Variants in CSMD1 observed in about 807,000 individuals in gnomAD.
CSMD1 encodes CUB and sushi domain-containing protein 1.
A neutral mutation model predicts 417.5 loss-of-function variants in CSMD1; 213 were observed. That is an observed-to-expected ratio of 0.51 (90% CI 0.46 to 0.57). CSMD1 has a LOEUF of 0.57. CSMD1 is among the 20% of genes least tolerant of loss of function. The probability of loss-of-function intolerance (pLI) is 0.00; values close to 1 mark genes in which losing one functional copy is unlikely to be tolerated. For missense variants in CSMD1, 6,923 were observed against 4,529.7 expected, an observed-to-expected ratio of 1.53 and a Z score of -15.17; for synonymous variants, 2,862 against 1,736.8, an observed-to-expected ratio of 1.65 and a Z score of -16.11.
At chr8:4,383,633 A>G (rs985239268) in intron 3 of CSMD1, among the ~76,000 whole-genome samples, 1 of 152,214 alleles carries the variant, frequency 6.6e-6, no homozygotes, top group African/African-American at 2.4e-5. Context: ...CTGAGAATCA[A>G]CTATGTACTT....
At position 3,406,220 on chromosome 8, in the gene CSMD1, T is replaced by C. The variant is rs199668404; in HGVS notation, c.2073A>G (p.Thr691=). Reference sequence around the variant, plus strand: ...GATCATGGCACTCATTCTGACCAAATGCTGAAAGAAAAAGAAGAAGAAAAA... The same window carrying C: ...GATCATGGCACTCATTCTGACCAAACGCTGAAAGAAAAAGAAGAAGAAAAA... ...TGRGFNITYT[T]FGQNECHDPG... Residue 691 remains threonine (T), a splice_region_variant and synonymous_variant, in exon 15 of 70, where the codon ACA becomes ACG. Coordinates refer to ENST00000635120, the MANE Select transcript of CSMD1 (RefSeq NM_033225.6). The C allele has an allele frequency of 6.9e-6, 11 of 1,589,684 alleles. No homozygotes were observed. Among genetic ancestry groups the C allele is most frequent in the Non-Finnish European group, 9.4e-6 (11 of 1,169,564 alleles).
At chr8:4,557,128 T>A (rs182258534) in intron 2 of CSMD1, among the ~76,000 whole-genome samples, 2 of 152,170 alleles carry the variant, frequency 1.3e-5, no homozygotes, top group African/African-American at 2.4e-5. Context: ...CCTGGGTGAT[T>A]TGTAAAGGTT....
At chr8:4,102,179 G>A (rs541812035) in intron 3 of CSMD1, among the ~76,000 whole-genome samples, 3 of 152,288 alleles carry the variant, frequency 2.0e-5, no homozygotes, top group South Asian at 2.1e-4. Flanking sequence ...TTGTTTTTCT[G>A]TGTTAAATGC....
Position 4,214,163 on chromosome 8 carries a change from T to C in CSMD1, c.416-182064A>G, listed in dbSNP as rs115922188. 5.8e-3 allele frequency among the ~76,000 whole-genome samples: 877 copies of C among 152,352 alleles called. 7 individuals are homozygous for C. The highest frequency in any genetic ancestry group is 0.02 in the African/African-American group (838 of 41,578). On this transcript the variant is annotated intron_variant, in intron 3 of 69. Coordinates refer to ENST00000635120, the MANE Select transcript of CSMD1 (RefSeq NM_033225.6). Reference sequence around the variant, plus strand: ...TAGTTCTTGGATCTCTACTTTGTATTTTAATTTAGCACATCTTTACATAGG... The same window carrying C: ...TAGTTCTTGGATCTCTACTTTGTATCTTAATTTAGCACATCTTTACATAGG...
At chr8:4,004,349 C>G (rs905056351) in intron 4 of CSMD1, among the ~76,000 whole-genome samples, 21 of 151,064 alleles carry the variant, frequency 1.4e-4, no homozygotes. Flanking sequence ...GAGAGTATAT[C>G]CACAAACAAT....
chr8:3,600,668 T>C (rs981912100), intron 8 of CSMD1, among the ~76,000 whole-genome samples: 1 of 152,094 alleles, frequency 6.6e-6, no homozygotes, highest in Non-Finnish European at 1.5e-5. Flanking sequence ...CAGAAAACCA[T>C]TGCTCTGGTC....
At chr8:4,846,246 C>T (rs921141813) in intron 1 of CSMD1, among the ~76,000 whole-genome samples, 11 of 152,140 alleles carry the variant, frequency 7.2e-5, no homozygotes, top group African/African-American at 2.7e-4. Flanking sequence ...ATAGCTCTTA[C>T]TTTCAAATTT....
intron 6 of CSMD1, among the ~76,000 whole-genome samples, chr8:3,721,407 T>A (rs1273618852): frequency 2.0e-5 from 3 of 152,144 alleles, no homozygotes; most frequent in African/African-American, 7.2e-5. Context: ...ATCAGTCCCA[T>A]GTTTCTGATT....
intron 2 of CSMD1, among the ~76,000 whole-genome samples, chr8:4,634,269 AT>A (rs1802702417): frequency 6.6e-6 from 1 of 152,176 alleles, no homozygotes; most frequent in Non-Finnish European, 1.5e-5. Flanking sequence ...ACATATGTAA[AT>A]AATACTATAT....
At chr8:4,051,587 G>A (rs1012777673) in intron 3 of CSMD1, among the ~76,000 whole-genome samples, 8 of 152,180 alleles carry the variant, frequency 5.3e-5, no homozygotes, top group African/African-American at 1.4e-4. Flanking sequence ...AACGTCCTCA[G>A]AAGTGCTAAG....
intron 3 of CSMD1, among the ~76,000 whole-genome samples, chr8:4,090,755 T>C (rs1233145121): frequency 1.3e-5 from 2 of 152,158 alleles, no homozygotes; most frequent in Admixed American, 6.5e-5. Flanking sequence ...CATATAAAAA[T>C]TGAAGTAGTG....
chr8:4,984,628 G>C (rs558995655), intron 1 of CSMD1, among the ~76,000 whole-genome samples: 4 of 152,082 alleles, frequency 2.6e-5, no homozygotes, highest in Non-Finnish European at 5.9e-5. Context: ...ACATAGATTA[G>C]GGTAGTCATA....
At chr8:4,968,349 A>G (rs1810014284) in intron 1 of CSMD1, among the ~76,000 whole-genome samples, 2 of 152,092 alleles carry the variant, frequency 1.3e-5, no homozygotes, top group Non-Finnish European at 2.9e-5. Context: ...CATCACCACT[A>G]TCCACGTCCA....
chr8:3,935,751 G>C (rs748852830), intron 5 of CSMD1, among the ~76,000 whole-genome samples: 1 of 152,118 alleles, frequency 6.6e-6, no homozygotes, highest in Non-Finnish European at 1.5e-5. Context: ...TATTCCGTGA[G>C]ACACAGCAAT....
chr8:4,388,877 C>G (rs1262856856), intron 3 of CSMD1, among the ~76,000 whole-genome samples: 1 of 152,100 alleles, frequency 6.6e-6, no homozygotes, highest in Non-Finnish European at 1.5e-5. Flanking sequence ...TCAGCTGAAA[C>G]GTCTCCTCTT....
intron 10 of CSMD1, among the ~76,000 whole-genome samples, chr8:3,548,927 G>T (rs944430607): frequency 6.6e-6 from 1 of 152,088 alleles, no homozygotes. Context: ...CACACACTAA[G>T]TTCTCGCGTG....
At chr8:4,545,236 G>T (rs960627961) in intron 2 of CSMD1, among the ~76,000 whole-genome samples, 1 of 152,186 alleles carries the variant, frequency 6.6e-6, no homozygotes, top group Non-Finnish European at 1.5e-5. Context: ...AATGGGAGGT[G>T]CAGTAATGTA....
intron 1 of CSMD1, among the ~76,000 whole-genome samples, chr8:4,916,179 C>G (rs1318062387): frequency 6.6e-6 from 1 of 152,180 alleles, no homozygotes; most frequent in Non-Finnish European, 1.5e-5. Context: ...AAAGTAGAGT[C>G]CTCTCCATGG....
chr8:3,656,818 A>G (rs1021423551), intron 7 of CSMD1, among the ~76,000 whole-genome samples: 1 of 151,998 alleles, frequency 6.6e-6, no homozygotes, highest in Non-Finnish European at 1.5e-5. Flanking sequence ...CCAGCTATTC[A>G]GGAGGCTGAG....
Sources: gnomAD v4.1 joint callset for allele counts (sites outside exome capture counted in the v4.1 genomes callset) on GRCh38, gnomAD v4.1.1 for gene constraint, MANE v1.5 for transcripts, NCBI Gene and HGNC (gene_info 2026-07-23, HGNC 2026-07-21) for gene names.